RSRC1: variants seen among roughly 807,000 people sequenced by gnomAD.
RSRC1 encodes arginine and serine rich coiled-coil 1.
RSRC1 carries 39 observed loss-of-function variants against 49.1 expected under a neutral mutation model. The observed-to-expected ratio is 0.79, with a 90% CI of 0.61 to 1.04. The LOEUF is 1.04. Among genes scored for constraint, RSRC1 ranks in the 50% least tolerant of loss-of-function variants. The pLI is 0.00. For synonymous variants in RSRC1, 143 were observed against 130.8 expected (o/e 1.09, Z -0.63); for missense variants, 388 against 402.4 (o/e 0.96, Z 0.31).
chr3:158,402,941 C>T (rs1348280624), intron 6 of RSRC1, among the ~76,000 whole-genome samples: 5 of 151,680 alleles, frequency 3.3e-5, no homozygotes, highest in Non-Finnish European at 5.9e-5. Context: ...GATACATTTA[C>T]AATATTCAGC....
chr3:158,430,913 G>T (rs1241747203), intron 6 of RSRC1, among the ~76,000 whole-genome samples: 1 of 151,828 alleles, frequency 6.6e-6, no homozygotes, highest in Non-Finnish European at 1.5e-5. Flanking sequence ...TATTTTGGTG[G>T]TATCAAAAAA....
intron 7 of RSRC1, among the ~76,000 whole-genome samples, chr3:158,487,821 G>A (rs1738875701): frequency 6.6e-6 from 1 of 151,464 alleles, no homozygotes; most frequent in African/African-American, 2.4e-5. Flanking sequence ...ATGGTGGTGG[G>A]TCCCTGTAAT....
At chr3:158,439,466 A>G (rs1736252168) in intron 6 of RSRC1, among the ~76,000 whole-genome samples, 1 of 152,176 alleles carries the variant, frequency 6.6e-6, no homozygotes, top group African/African-American at 2.4e-5. Context: ...CATATACACC[A>G]TGGAATACTA....
intron 7 of RSRC1, chr3:158,469,405 A>T (rs1196851506): frequency 2.2e-6 from 1 of 445,454 alleles, no homozygotes; most frequent in Non-Finnish European, 4.5e-6. Flanking sequence ...CCCATGATGC[A>T]TATATGATTC....
chr3:158,266,494 T>C (rs1313492074), intron 4 of RSRC1, among the ~76,000 whole-genome samples: 2 of 152,206 alleles, frequency 1.3e-5, no homozygotes, highest in East Asian at 3.8e-4. Context: ...TTTATTTTAG[T>C]GTTCTACACT....
chr3:158,247,683 C>G (rs1293230803), intron 4 of RSRC1, among the ~76,000 whole-genome samples: 1 of 152,260 alleles, frequency 6.6e-6, no homozygotes, highest in East Asian at 1.9e-4. Context: ...GTTTCAGAAC[C>G]TAGTTGGCTT....
At position 158,544,672 on chromosome 3, in the gene RSRC1, G is replaced by T; in HGVS notation, c.*397G>T. The T allele has an allele frequency of 6.5e-6, 1 of 153,022 alleles. No homozygotes were observed. The highest frequency in any genetic ancestry group is 1.5e-5 in the Non-Finnish European group (1 of 68,680). The allele number at this position is 153,022 out of a possible 1,614,324, so 9.5% of individuals were successfully genotyped here. A position where few individuals can be genotyped will look rare whatever the true frequency, so the allele number is the denominator to read the frequency against. On this transcript the variant is annotated 3_prime_UTR_variant, in exon 10 of 10. Coordinates refer to ENST00000611884, the MANE Select transcript of RSRC1 (RefSeq NM_001271838.2). The stretch of plus-strand genomic sequence containing the variant: ...AAATATGAGATTTCATCTTCCGTAT[G>T]GTATTCAACCATTTTTAAATATTTT...
At chr3:158,165,763 C>G (rs1407257016) in intron 3 of RSRC1, among the ~76,000 whole-genome samples, 1 of 152,202 alleles carries the variant, frequency 6.6e-6, no homozygotes, top group East Asian at 1.9e-4. Flanking sequence ...TCCATATTTG[C>G]TCCACTGGAA....
In RSRC1 at chr3:158,190,076, CA is replaced by C. The variant is rs528681197; in HGVS notation, c.321-12988del. Among the ~76,000 whole-genome samples, 4 of 151,332 alleles carry C rather than the reference CA, an allele frequency of 2.6e-5. No homozygotes were observed. The South Asian group carries it at 8.3e-4, about 31-fold the overall frequency. ...ACACTTTTTTCCCTCTTGAACTTCT[CA>C]AAAAAAATTAAAGCCATTGTTTTGC... On this transcript the variant is annotated intron_variant, in intron 3 of 9. Transcript: ENST00000611884.
intron 6 of RSRC1, among the ~76,000 whole-genome samples, chr3:158,443,707 CAAT>C (rs1201637195): frequency 1.3e-5 from 2 of 152,140 alleles, no homozygotes; most frequent in African/African-American, 4.8e-5. Flanking sequence ...TTTGCATTCA[CAAT>C]GTGTTGCACT....
intron 3 of RSRC1, among the ~76,000 whole-genome samples, chr3:158,159,448 A>G (rs1181185598): frequency 2.6e-5 from 4 of 152,198 alleles, no homozygotes; most frequent in Non-Finnish European, 5.9e-5. Context: ...ATATGCTTTC[A>G]CATGCATTTT....
At chr3:158,325,977 T>C (rs1729107401) in intron 5 of RSRC1, among the ~76,000 whole-genome samples, 3 of 152,190 alleles carry the variant, frequency 2.0e-5, no homozygotes, top group Admixed American at 2.0e-4. Flanking sequence ...AGGTATTTTA[T>C]TCTCTTTGAA....
At chr3:158,154,186 A>T (rs1300122184) in intron 3 of RSRC1, among the ~76,000 whole-genome samples, 1 of 151,912 alleles carries the variant, frequency 6.6e-6, no homozygotes, top group African/African-American at 2.4e-5. Flanking sequence ...CATTGTGTTT[A>T]AAAAACAATG....
chr3:158,238,929 C>A (rs567245860), intron 4 of RSRC1, among the ~76,000 whole-genome samples: 1 of 152,182 alleles, frequency 6.6e-6, no homozygotes, highest in East Asian at 1.9e-4. Flanking sequence ...AGTCTACAGG[C>A]AACCTACAGA....
intron 5 of RSRC1, among the ~76,000 whole-genome samples, chr3:158,312,496 A>G (rs1038809309): frequency 1.6e-4 from 25 of 152,246 alleles, no homozygotes; most frequent in Admixed American, 1.3e-3. Flanking sequence ...TGCCAAATAA[A>G]TATATAACAA....
intron 5 of RSRC1, among the ~76,000 whole-genome samples, chr3:158,330,956 A>G (rs934834594): frequency 4.0e-5 from 6 of 151,792 alleles, no homozygotes; most frequent in Non-Finnish European, 1.5e-5. Context: ...CAATCATAGC[A>G]CAAGACAAAG....
At chr3:158,412,609 A>G (rs757006201) in intron 6 of RSRC1, among the ~76,000 whole-genome samples, 2 of 152,160 alleles carry the variant, frequency 1.3e-5, no homozygotes, top group Admixed American at 6.6e-5. Flanking sequence ...AAGTCAGTAC[A>G]TGGTAAGCAC....
rs542870619 is a variant in RSRC1, at chr3:158,233,802, T to C, written c.494+30557T>C. On this transcript the variant is annotated intron_variant, in intron 4 of 9. Coordinates refer to ENST00000611884, the MANE Select transcript of RSRC1 (RefSeq NM_001271838.2). Reference sequence around the variant, plus strand: ...TGAATTTCCATCTGTGTAACCCTGATGTTCTTAAGCAGTCTGCAGTTACCT... The same window carrying C: ...TGAATTTCCATCTGTGTAACCCTGACGTTCTTAAGCAGTCTGCAGTTACCT... Among the ~76,000 whole-genome samples, 6 of 152,304 alleles carry C rather than the reference T, an allele frequency of 3.9e-5. 1 individual carries two copies. In the South Asian group the frequency reaches 1.2e-3, roughly 32 times the overall value.
chr3:158,271,962 A>G (rs1725542317), intron 4 of RSRC1, among the ~76,000 whole-genome samples: 1 of 152,114 alleles, frequency 6.6e-6, no homozygotes, highest in Non-Finnish European at 1.5e-5. Flanking sequence ...TAATCATTTT[A>G]ATAATTTTTG....
Sources: allele counts gnomAD v4.1 joint callset (sites outside exome capture counted in the v4.1 genomes callset), GRCh38; gene constraint gnomAD v4.1.1; transcripts MANE v1.5; gene names NCBI Gene and HGNC (gene_info 2026-07-23, HGNC 2026-07-21).